The following COL22A1 variants were observed in gnomAD, a reference collection of about 807,000 sequenced individuals.
COL22A1 encodes collagen type XXII alpha 1 chain, also known as collagen alpha-1(XXII) chain.
In COL22A1, 221 loss-of-function variants were observed where a neutral mutation model predicts 248.9. That is an observed-to-expected ratio of 0.89 (90% CI 0.80 to 0.99). COL22A1 has a LOEUF of 0.99. Among genes scored for constraint, COL22A1 ranks in the 50% least tolerant of loss-of-function variants. COL22A1 has a pLI of 0.00. For missense variants in COL22A1, 2,240 were observed against 2,179.0 expected, an observed-to-expected ratio of 1.03 and a Z score of -0.56; for synonymous variants, 891 against 793.4, an observed-to-expected ratio of 1.12 and a Z score of -2.07.
At chr8:138,690,008 G>T (rs895685519) in intron 36 of COL22A1, among the ~76,000 whole-genome samples, 1 of 152,200 alleles carries the variant, frequency 6.6e-6, no homozygotes, top group African/African-American at 2.4e-5. Context: ...CTCCAGCAGG[G>T]TTGCTGTGTG....
chr8:138,599,186 C>T (rs1025014744), intron 60 of COL22A1, among the ~76,000 whole-genome samples: 1 of 152,030 alleles, frequency 6.6e-6, no homozygotes, highest in East Asian at 1.9e-4. Context: ...ACTAAAAATA[C>T]AAAAAATTAG....
intron 26 of COL22A1, among the ~76,000 whole-genome samples, chr8:138,721,514 T>C (rs1006045844): frequency 2.6e-5 from 4 of 152,226 alleles, no homozygotes. Context: ...AAAATTGAAA[T>C]CTCTTATTAT....
Position 138,725,404 on chromosome 8 carries a change from C to A in COL22A1, c.2176G>T (p.Gly726Ter). 1 of 1,614,068 alleles carries A rather than the reference C, an allele frequency of 6.2e-7. No individual in the cohort carries two copies. The highest frequency in any genetic ancestry group is 8.5e-7 in the Non-Finnish European group (1 of 1,180,028). The change falls in exon 24 of 65, where the codon GGA becomes TGA. Residue 726 changes from glycine to a stop codon, truncating the protein, a stop_gained. Transcript: ENST00000303045. LOFTEE classifies it high-confidence loss of function. Reference sequence around the variant, plus strand: ...AGTCTTACCGGAGAACCTCCCGGTCCAGGGGGGCCTGGGACACCAGGGGGT... The same window carrying A: ...AGTCTTACCGGAGAACCTCCCGGTCAAGGGGGGCCTGGGACACCAGGGGGT... ...PGPPGVPGPP[G>*]PGGSPGLPGE...
In COL22A1 at chr8:138,611,625, C is replaced by G. The variant is rs965654325; in HGVS notation, c.3978+2242G>C. Among the ~76,000 whole-genome samples, 8 of 152,208 alleles carry G rather than the reference C, an allele frequency of 5.3e-5. No homozygotes were observed. The East Asian group carries it at 1.5e-3, about 29-fold the overall frequency. On this transcript the variant is annotated intron_variant, in intron 56 of 64. Transcript: ENST00000303045. ...ATCTGTTTATGTGCTGTATCCATAT[C>G]TGCATTTGACACACACTCTTTGACA... is the stretch of plus-strand genomic sequence containing the variant.
chr8:138,833,867 C>T (rs898398191), intron 4 of COL22A1, among the ~76,000 whole-genome samples: 1 of 152,142 alleles, frequency 6.6e-6, no homozygotes, highest in Non-Finnish European at 1.5e-5. Context: ...GGGCAAGCTA[C>T]ATGACCCACA....
chr8:138,913,209 T>C (rs936777190), intron 1 of COL22A1, among the ~76,000 whole-genome samples: 2 of 151,898 alleles, frequency 1.3e-5, no homozygotes, highest in African/African-American at 4.8e-5. Flanking sequence ...CATCTTTTTC[T>C]CCTTTTACTG....
At position 138,664,001 on chromosome 8, in the gene COL22A1, T is replaced by C. The variant is rs1322871337; in HGVS notation, c.3151-261A>G. On this transcript the variant is annotated intron_variant, in intron 41 of 64. Transcript: ENST00000303045. ...TCATCCCTGCGTGGCTCCTGACACC[T>C]GGGCCCAACTCTACTTTGTAGCTCT... 2.0e-5 allele frequency among the ~76,000 whole-genome samples: 3 copies of C among 151,788 alleles called. No homozygotes were observed. The South Asian group carries it at 6.3e-4, about 32-fold the overall frequency.
intron 10 of COL22A1, among the ~76,000 whole-genome samples, chr8:138,806,181 G>GGTGTGTGGTGGTGTATGTGTGTGATGGT (rs1275253518): frequency 3.8e-5 from 2 of 52,558 alleles, no homozygotes; most frequent in African/African-American, 2.1e-4. Flanking sequence ...TGTAAGTAAT[G>GGTGTGTGGTGGTGTATGTGTGTGATGGT]GTGTGTGATG....
At chr8:138,826,341 C>T (rs1471633404) in intron 6 of COL22A1, among the ~76,000 whole-genome samples, 1 of 152,160 alleles carries the variant, frequency 6.6e-6, no homozygotes, top group Non-Finnish European at 1.5e-5. Context: ...ACTCATGCTG[C>T]CAATATAGGT....
At chr8:138,795,018 T>C (rs1296823628) in intron 12 of COL22A1, among the ~76,000 whole-genome samples, 3 of 152,146 alleles carry the variant, frequency 2.0e-5, no homozygotes, top group Admixed American at 6.5e-5. Context: ...AGTACTGTAC[T>C]GCACACTTAA....
chr8:138,747,356 C>T (rs1390569642), intron 22 of COL22A1, among the ~76,000 whole-genome samples: 4 of 152,134 alleles, frequency 2.6e-5, no homozygotes, highest in African/African-American at 9.7e-5. Flanking sequence ...ACTTGTTTTT[C>T]ATCACAAAAC....
At chr8:138,700,686 G>T (rs953123643) in intron 31 of COL22A1, among the ~76,000 whole-genome samples, 9 of 152,130 alleles carry the variant, frequency 5.9e-5, no homozygotes, top group Non-Finnish European at 1.2e-4. Flanking sequence ...CCCCCACCTA[G>T]GCTGTGTTTA....
At chr8:138,718,104 C>T (rs931403820) in intron 27 of COL22A1, among the ~76,000 whole-genome samples, 6 of 150,302 alleles carry the variant, frequency 4.0e-5, no homozygotes, top group African/African-American at 1.5e-4. Flanking sequence ...GAACTACCAA[C>T]TTATTGGAGA....
chr8:138,820,993 AG>A, intron 7 of COL22A1, 142 bp downstream of exon 7: 2 of 863,828 alleles, frequency 2.3e-6, no homozygotes. Context: ...TTTCTGAGTC[AG>A]GGTCTTTCCT....
intron 16 of COL22A1, among the ~76,000 whole-genome samples, chr8:138,772,491 C>T (rs1834456014): frequency 6.6e-6 from 1 of 151,902 alleles, no homozygotes; most frequent in Non-Finnish European, 1.5e-5. Flanking sequence ...TTGAGCAAAG[C>T]GTATTTAAAA....
At chr8:138,720,852 A>G in intron 26 of COL22A1, 60 bp from the exon 27 acceptor site, 1 of 1,336,886 alleles carries the variant, frequency 7.5e-7, no homozygotes, top group Non-Finnish European at 1.1e-6. Context: ...TAAACAACAC[A>G]AAGTACTAGG....
intron 12 of COL22A1, among the ~76,000 whole-genome samples, chr8:138,796,247 A>G (rs964430109): frequency 6.6e-6 from 1 of 152,084 alleles, no homozygotes; most frequent in Non-Finnish European, 1.5e-5. Flanking sequence ...TACTGCAGGT[A>G]AAAGAAGGTG....
chr8:138,666,986 T>A (rs766271275), intron 41 of COL22A1, among the ~76,000 whole-genome samples: 3 of 152,182 alleles, frequency 2.0e-5, no homozygotes, highest in Non-Finnish European at 4.4e-5. Flanking sequence ...TCACCTTGCC[T>A]TGTGTTATCA....
At position 138,781,094 on chromosome 8, in the gene COL22A1, CT is replaced by C. The variant is rs1216386760; in HGVS notation, c.1597-115del. 39 of 748,054 alleles carry C rather than the reference CT, an allele frequency of 5.2e-5. No homozygotes were observed. The Admixed American group carries it at 7.7e-4, about 15-fold the overall frequency. 46.3% of individuals were successfully genotyped at this position (748,054 alleles called of 1,614,324 possible). On this transcript the variant is annotated intron_variant, in intron 12 of 64. Transcript: ENST00000303045. Reference sequence around the variant, plus strand: ...GGGAAGGAAATTGTGACCAAGACTGCTGCTCAAAAATTGATCCACAAGCCTG... The same window carrying C: ...GGGAAGGAAATTGTGACCAAGACTGCGCTCAAAAATTGATCCACAAGCCTG...
Sources: gnomAD v4.1 joint callset for allele counts (sites outside exome capture counted in the v4.1 genomes callset) on GRCh38, gnomAD v4.1.1 for gene constraint, MANE v1.5 for transcripts, NCBI Gene and HGNC (gene_info 2026-07-23, HGNC 2026-07-21) for gene names.